Variants in ARHGEF3 observed in about 807,000 individuals in gnomAD.
ARHGEF3 encodes the protein Rho guanine nucleotide exchange factor 3, also known as 59.8 kDA protein.
A neutral mutation model predicts 63.2 loss-of-function variants in ARHGEF3; 28 were observed. That is an observed-to-expected ratio of 0.44 (90% CI 0.33 to 0.61). The LOEUF is 0.61. Among genes scored for constraint, ARHGEF3 ranks in the 20% least tolerant of loss-of-function variants. The pLI is 0.03. For synonymous variants in ARHGEF3, 266 were observed against 254.2 expected (o/e 1.05, Z -0.44); for missense variants, 533 against 659.3 (o/e 0.81, Z 2.10).
chr3:56,935,499 T>C (rs1698847101), intron 3 of ARHGEF3, among the ~76,000 whole-genome samples: 1 of 152,152 alleles, frequency 6.6e-6, no homozygotes, highest in South Asian at 2.1e-4. Context: ...GCTCACTCTT[T>C]GGGTTCACAC....
At chr3:57,064,059 G>T (rs1195134392) in intron 1 of ARHGEF3, among the ~76,000 whole-genome samples, 2 of 152,176 alleles carry the variant, frequency 1.3e-5, no homozygotes, top group Non-Finnish European at 2.9e-5. Context: ...CTGAGCTCAG[G>T]GGCTCGAGAC....
At chr3:56,992,848 T>G (rs917450675) in intron 2 of ARHGEF3, among the ~76,000 whole-genome samples, 4 of 152,152 alleles carry the variant, frequency 2.6e-5, no homozygotes, top group African/African-American at 9.7e-5. Flanking sequence ...TTTTTATTTT[T>G]TTGGAGATGG....
intron 2 of ARHGEF3, among the ~76,000 whole-genome samples, chr3:57,020,733 C>T (rs7646499): frequency 0.031 from 4,727 of 152,318 alleles, 286 homozygotes; most frequent in African/African-American, 0.11. Flanking sequence ...CTAATCGACA[C>T]TGAGCCCCTG....
intron 3 of ARHGEF3, among the ~76,000 whole-genome samples, chr3:56,910,882 T>G (rs1160052565): frequency 2.0e-5 from 3 of 152,144 alleles, no homozygotes; most frequent in Non-Finnish European, 4.4e-5. Context: ...TGATACCCTA[T>G]GAGGCAGGTA....
At chr3:56,965,645 CTTTTTTTTTTT>C (rs759458048) in intron 2 of ARHGEF3, among the ~76,000 whole-genome samples, 5 of 133,354 alleles carry the variant, frequency 3.7e-5, no homozygotes, top group African/African-American at 8.6e-5. Context: ...AAACTACATT[CTTTTTTTTTTT>C]TTTTTTTTTT....
At chr3:56,825,341 AAAATGACGTTCAC>A (rs2038673609) in intron 4 of ARHGEF3, among the ~76,000 whole-genome samples, 1 of 152,236 alleles carries the variant, frequency 6.6e-6, no homozygotes, top group Non-Finnish European at 1.5e-5. Context: ...AATGAGTTCT[AAAATGACGTTCAC>A]AAAAGCACCA....
At chr3:57,000,280 T>C (rs1461980489) in intron 2 of ARHGEF3, among the ~76,000 whole-genome samples, 1 of 149,372 alleles carries the variant, frequency 6.7e-6, no homozygotes, top group African/African-American at 2.5e-5. Context: ...GGCAGATTTA[T>C]TGTAAAGTCC....
chr3:56,891,847 A>T (rs2041133634), intron 3 of ARHGEF3, among the ~76,000 whole-genome samples: 1 of 152,176 alleles, frequency 6.6e-6, no homozygotes, highest in African/African-American at 2.4e-5. Flanking sequence ...CCGGGGGGAA[A>T]ATCATGGGGA....
At chr3:57,010,881 C>T (rs937851168) in intron 2 of ARHGEF3, among the ~76,000 whole-genome samples, 2 of 152,198 alleles carry the variant, frequency 1.3e-5, no homozygotes, top group Admixed American at 1.3e-4. Context: ...TCCTAATTTA[C>T]ACACACTCCA....
intron 3 of ARHGEF3, among the ~76,000 whole-genome samples, chr3:56,947,074 T>G (rs532518297): frequency 6.6e-6 from 1 of 152,230 alleles, no homozygotes; most frequent in South Asian, 2.1e-4. Context: ...GACAAGCAAA[T>G]GCTGAGAGAT....
chr3:56,993,683 G>C (rs949940864), intron 2 of ARHGEF3, among the ~76,000 whole-genome samples: 1 of 151,904 alleles, frequency 6.6e-6, no homozygotes, highest in African/African-American at 2.4e-5. Flanking sequence ...CCTAACTTTG[G>C]ATACATTGCT....
At chr3:57,001,003 T>A (rs777397894) in intron 2 of ARHGEF3, among the ~76,000 whole-genome samples, 1 of 152,082 alleles carries the variant, frequency 6.6e-6, no homozygotes, top group Non-Finnish European at 1.5e-5. Context: ...GCAGTGGCAC[T>A]ATCATAAGTC....
At chr3:57,014,712 G>A (rs1579092652) in intron 2 of ARHGEF3, among the ~76,000 whole-genome samples, 3 of 147,544 alleles carry the variant, frequency 2.0e-5, no homozygotes, top group South Asian at 2.1e-4. Flanking sequence ...ACAGAGTCTC[G>A]CTGTGTCACC....
chr3:56,813,978 A>T (rs928956473), intron 4 of ARHGEF3, among the ~76,000 whole-genome samples: 4 of 152,212 alleles, frequency 2.6e-5, no homozygotes, highest in Non-Finnish European at 1.5e-5. Flanking sequence ...ACCAGCTGGA[A>T]GCAGGAATAA....
intron 1 of ARHGEF3, among the ~76,000 whole-genome samples, chr3:56,793,784 T>G (rs966412409): frequency 6.6e-6 from 1 of 152,230 alleles, no homozygotes; most frequent in South Asian, 2.1e-4. Flanking sequence ...CTTAGGGTAT[T>G]TTTTAAATAT....
Position 56,732,409 on chromosome 3 carries a change from G to A in ARHGEF3, c.1057C>T (p.Leu353=). ...NNRGVKLHVF[L]FQEVLVITRA... ...GTGATCACAAGCACTTCTTGGAACA[G>A]GAAAACATGCAGTTTCTAGAAGAAA... Residue 353 remains leucine (L), a synonymous_variant, in exon 9 of 10, where the codon CTG becomes TTG. Coordinates refer to ENST00000296315, the MANE Select transcript of ARHGEF3 (RefSeq NM_019555.3). 6.2e-7 allele frequency: 1 copy of A among 1,614,156 alleles called. No homozygotes were observed. Among genetic ancestry groups the A allele is most frequent in the Non-Finnish European group, 8.5e-7 (1 of 1,180,036 alleles).
At chr3:56,954,384 C>A (rs888720923) in intron 3 of ARHGEF3, among the ~76,000 whole-genome samples, 4 of 152,188 alleles carry the variant, frequency 2.6e-5, no homozygotes, top group Non-Finnish European at 5.9e-5. Context: ...GGACTCTGAG[C>A]TCAGCACTGC....
chr3:56,731,900 G>GGGACTATCTGGTATTAAGCAT (rs1223917152), intron 9 of ARHGEF3: 16 of 486,714 alleles, frequency 3.3e-5, no homozygotes, highest in African/African-American at 3.1e-4. Context: ...CATCCATGTA[G>GGGACTATCTGGTATTAAGCAT]GGACTATCTG....
At chr3:57,074,616 G>A (rs761957984) in intron 1 of ARHGEF3, 7 of 247,592 alleles carry the variant, frequency 2.8e-5, no homozygotes, top group Admixed American at 1.0e-4. Flanking sequence ...CCTGATCCCC[G>A]ATCCTATACA....
Sources: gnomAD v4.1 joint callset for allele counts (sites outside exome capture counted in the v4.1 genomes callset) on GRCh38, gnomAD v4.1.1 for gene constraint, MANE v1.5 for transcripts, NCBI Gene and HGNC (gene_info 2026-07-23, HGNC 2026-07-21) for gene names.